DNAH7: variants seen among roughly 807,000 people sequenced by gnomAD.
The protein encoded by DNAH7 is axonemal beta dynein heavy chain 7.
In DNAH7, 397 loss-of-function variants were observed where a neutral mutation model predicts 444.6. That is an observed-to-expected ratio of 0.89 (90% confidence interval 0.82 to 0.97). DNAH7 has a LOEUF of 0.97. Ranked by LOEUF, DNAH7 falls within the 50% of genes least tolerant of loss-of-function variation. DNAH7 has a pLI of 0.00. For synonymous variants in DNAH7, 1,636 were observed against 1,624.4 expected (o/e 1.01, Z -0.17); for missense variants, 4,902 against 4,800.8 (o/e 1.02, Z -0.62).
chr2:195,862,460 T>C (rs1700077302), intron 41 of DNAH7, among the ~76,000 whole-genome samples: 1 of 152,138 alleles, frequency 6.6e-6, no homozygotes, highest in Non-Finnish European at 1.5e-5. Flanking sequence ...AGAGTGAGCT[T>C]TTCAAAATAT....
Position 195,852,577 on chromosome 2 carries a change from C to T in DNAH7, c.8781+766G>A, listed in dbSNP as rs193086922. 8.0e-4 allele frequency among the ~76,000 whole-genome samples: 121 copies of T among 152,190 alleles called. 1 individual carries two copies. The highest frequency in any genetic ancestry group is 5.1e-4 in the Non-Finnish European group (35 of 68,020). ...CCATGACCCAGGTTGGATTCCAGTT[C>T]CATTTTTCTAAAAAGAGCTGAATAG... On this transcript the variant is annotated intron_variant, in intron 46 of 64. Coordinates refer to ENST00000312428, the MANE Select transcript of DNAH7 (RefSeq NM_018897.3).
chr2:195,934,655 G>C lies in DNAH7; in HGVS notation c.3407C>G (p.Ala1136Gly), dbSNP rs1383667977. The C allele has an allele frequency of 9.3e-6, 15 of 1,613,864 alleles. No homozygotes were observed. Among genetic ancestry groups the C allele is most frequent in the Middle Eastern group, 1.6e-4 (1 of 6,084 alleles). The stretch of plus-strand genomic sequence containing the variant: ...CAACCACTTCTCCACTTGACCTCTG[G>C]CTTTGGCTGTTGAAATAATCTCTAT... Reference protein sequence around the residue: ...ELIEIISTAKARGQVEKWLVE... With the variant: ...ELIEIISTAKGRGQVEKWLVE... Residue 1136 changes from alanine (A) to glycine (G), a missense_variant, in exon 21 of 65, where the codon GCC (alanine) becomes GGC (glycine). Ala to Gly is a moderately conservative substitution (Grantham distance 60, BLOSUM62 0). Coordinates refer to ENST00000312428, the MANE Select transcript of DNAH7 (RefSeq NM_018897.3).
chr2:196,020,903 C>A (rs1280302933), intron 8 of DNAH7, among the ~76,000 whole-genome samples: 59 of 152,212 alleles, frequency 3.9e-4, no homozygotes. Context: ...TAAGCCACCG[C>A]ACTTGGCCTT....
rs1322877918 is a variant in DNAH7, at chr2:195,808,760, A to T, written c.10005T>A (p.Asp3335Glu). 4.3e-6 allele frequency: 7 copies of T among 1,613,964 alleles called. No homozygotes were observed. The African/African-American group carries it at 8.0e-5, about 18-fold the overall frequency. Residue 3335 changes from aspartate (D) to glutamate (E), a missense_variant, in exon 53 of 65, where the codon GAT becomes GAA. By Grantham distance (45) the Asp-to-Glu change is conservative (BLOSUM62 2). Coordinates refer to ENST00000312428, the MANE Select transcript of DNAH7 (RefSeq NM_018897.3). ...GAATGGTTTTGAAGGCAGGCAAATC[A>T]TCTAATCGACATATTTCATCCCAGG... The part of the protein sequence containing the change: ...QKSWDEICRL[D>E]DLPAFKTIRR...
chr2:196,029,613 A>C (rs1184058619), intron 5 of DNAH7, among the ~76,000 whole-genome samples: 1 of 152,170 alleles, frequency 6.6e-6, no homozygotes, highest in African/African-American at 2.4e-5. Flanking sequence ...CTATTGTTAA[A>C]GAAGACAATG....
rs1693980026 is a variant in DNAH7 at position 195,754,595 on chromosome 2, GC to G, written c.11587-82del. 3.5e-6 allele frequency: 5 copies of G among 1,420,520 alleles called. No homozygotes were observed. In the East Asian group the frequency reaches 7.3e-5, roughly 21 times the overall value. 88.0% of individuals were successfully genotyped at this position (1,420,520 alleles called of 1,614,324 possible). A position where few individuals can be genotyped will look rare whatever the true frequency, so the allele number is the denominator to read the frequency against. On this transcript the variant is annotated intron_variant, in intron 62 of 64. Coordinates refer to ENST00000312428, the MANE Select transcript of DNAH7 (RefSeq NM_018897.3). ...TTTTTTTGAGACAGGATCTCTGGTT[GC>G]CCAGGCAGGGCTCAGGTGATCCTCT...
intron 27 of DNAH7, chr2:195,902,583 G>T (rs1465768791): frequency 6.6e-6 from 1 of 152,170 alleles, no homozygotes; most frequent in Admixed American, 6.5e-5. Flanking sequence ...CCAGGACTGT[G>T]TGTTGTAGGT....
chr2:195,920,714 T>C (rs1687969498), intron 24 of DNAH7, among the ~76,000 whole-genome samples: 1 of 152,146 alleles, frequency 6.6e-6, no homozygotes, highest in Non-Finnish European at 1.5e-5. Flanking sequence ...CAAAGATAAA[T>C]AGATGGGACT....
At chr2:195,747,553 C>T (rs1251370217) in intron 63 of DNAH7, among the ~76,000 whole-genome samples, 5 of 152,136 alleles carry the variant, frequency 3.3e-5, no homozygotes, top group Admixed American at 2.6e-4. Flanking sequence ...AATTTTAGAC[C>T]AATATCCTTG....
rs542852167 is a variant in DNAH7, at chr2:195,946,213, G to A, written c.3079-9421C>T. 9.2e-5 allele frequency among the ~76,000 whole-genome samples: 14 copies of A among 151,870 alleles called. No homozygotes were observed. The South Asian group carries it at 1.0e-3, about 11-fold the overall frequency. On this transcript the variant is annotated intron_variant, in intron 19 of 64. Transcript: ENST00000312428. Reference sequence around the variant, plus strand: ...GTGCCCTTCTGCAGACCCCACTTTTGGGCTATGGCAGGCAGATGAAAAATT... The same window carrying A: ...GTGCCCTTCTGCAGACCCCACTTTTAGGCTATGGCAGGCAGATGAAAAATT...
intron 15 of DNAH7, among the ~76,000 whole-genome samples, chr2:195,975,769 T>A (rs1241274372): frequency 1.3e-5 from 2 of 152,152 alleles, no homozygotes; most frequent in African/African-American, 4.8e-5. Flanking sequence ...GGCCCCCATC[T>A]TAGGCCCTAG....
At chr2:195,894,721 C>A in intron 30 of DNAH7, 2 of 251,550 alleles carry the variant, frequency 8.0e-6, no homozygotes, top group Non-Finnish European at 7.5e-6. Flanking sequence ...AGACTTTTTT[C>A]TACAAGAGAC....
In DNAH7 at chr2:195,738,111, C is replaced by T; in HGVS notation, c.11885G>A (p.Cys3962Tyr). Residue 3962 changes from cysteine (C) to tyrosine (Y), a missense_variant, in exon 65 of 65, where the codon TGT (cysteine) becomes TAT (tyrosine). Coordinates refer to ENST00000312428, the MANE Select transcript of DNAH7 (RefSeq NM_018897.3). ...DTVPVMWLKP[C>Y]KRADIPKRPS... ...CCGTTTTGGTATATCTGCCCTCTTA[C>T]AGGGCTTTAGCCACATCTGGAAGAA... The T allele has an allele frequency of 1.9e-6, 3 of 1,613,776 alleles. No homozygotes were observed. The highest frequency in any genetic ancestry group is 2.5e-6 in the Non-Finnish European group (3 of 1,179,720).
rs368803208 is a variant in DNAH7, at chr2:195,902,592, G to T, written c.4336-2098C>A. 8.5e-5 allele frequency: 13 copies of T among 152,256 alleles called. No homozygotes were observed. The East Asian group carries it at 2.5e-3, about 29-fold the overall frequency. 9.4% of individuals were successfully genotyped at this position (152,256 alleles called of 1,614,324 possible). ...CAACATCCAGGACTGTGTGTTGTAG[G>T]TTTCCCTTTGACCACCCTAGTTACT... On this transcript the variant is annotated intron_variant, in intron 27 of 64. Transcript: ENST00000312428.
chr2:195,896,741 G>A (rs1332910920), intron 29 of DNAH7, among the ~76,000 whole-genome samples: 2 of 152,084 alleles, frequency 1.3e-5, no homozygotes, highest in East Asian at 3.8e-4. Flanking sequence ...CAAATTGAGG[G>A]AAAACTTTAA....
chr2:195,888,909 GCA>G lies in DNAH7; in HGVS notation c.5117_5118del (p.Val1706AlafsTer3), dbSNP rs1206896586. ...AGACATAGCTTCTTGTTGTCATCCA[GCA>G]CAGTGTTCATATTCTCAATCCACAC... ...DAVWIENMNT[V>X]LDDNKKLCLM... On this transcript the variant is annotated frameshift_variant, in exon 32 of 65. Transcript: ENST00000312428. LOFTEE classifies it high-confidence loss of function. 1 of 1,613,814 alleles carries G rather than the reference GCA, an allele frequency of 6.2e-7. No homozygotes were observed. The highest frequency in any genetic ancestry group is 8.5e-7 in the Non-Finnish European group (1 of 1,179,964).
At chr2:195,751,346 G>C (rs942414995) in intron 63 of DNAH7, among the ~76,000 whole-genome samples, 4 of 152,092 alleles carry the variant, frequency 2.6e-5, no homozygotes, top group African/African-American at 9.7e-5. Context: ...TCTTTAACAG[G>C]TTGGGTTCGA....
intron 19 of DNAH7, among the ~76,000 whole-genome samples, chr2:195,956,346 C>T (rs977787173): frequency 6.6e-5 from 10 of 152,078 alleles, no homozygotes; most frequent in East Asian, 1.9e-4. Flanking sequence ...ACCATGCTTC[C>T]GAGGCAGTGA....
intron 9 of DNAH7, among the ~76,000 whole-genome samples, chr2:196,013,438 A>G (rs901885674): frequency 6.6e-6 from 1 of 152,126 alleles, no homozygotes; most frequent in Non-Finnish European, 1.5e-5. Context: ...TTTTGACTAC[A>G]ATGTTATAGA....
Sources: allele counts gnomAD v4.1 joint callset (sites outside exome capture counted in the v4.1 genomes callset), GRCh38; gene constraint gnomAD v4.1.1; transcripts MANE v1.5; gene names NCBI Gene and HGNC (gene_info 2026-07-23, HGNC 2026-07-21).